The following UHRF2 variants were observed in gnomAD, a reference collection of about 807,000 sequenced individuals.
UHRF2 encodes ubiquitin like with PHD and ring finger domains 2.
Under a neutral mutation model 96.8 loss-of-function variants are expected in UHRF2, and 23 were observed. The observed-to-expected ratio is 0.24, with a 90% CI of 0.17 to 0.34. UHRF2 has a LOEUF of 0.34. Among genes scored for constraint, UHRF2 ranks in the 10% least tolerant of loss-of-function variants. UHRF2 has a pLI of 1.00. For synonymous variants in UHRF2, 385 were observed against 332.6 expected, an observed-to-expected ratio of 1.16 and a Z score of -1.72; for missense variants, 685 against 981.5, an observed-to-expected ratio of 0.70 and a Z score of 4.04.
At chr9:6,493,571 C>T (rs981932812) in intron 9 of UHRF2, among the ~76,000 whole-genome samples, 1 of 152,120 alleles carries the variant, frequency 6.6e-6, no homozygotes, top group African/African-American at 2.4e-5. Context: ...TATTTTACTA[C>T]ATATATAGCA....
At position 6,420,201 on chromosome 9, in the gene UHRF2, G is replaced by A. The variant is rs891983467; in HGVS notation, c.154-711G>A. ...CCTCCTGAGTAGTGGGATTACAGGTGCGTACCACCACGCCCAGCTAATACT... is the reference window on the plus strand; with the variant it reads ...CCTCCTGAGTAGTGGGATTACAGGTACGTACCACCACGCCCAGCTAATACT... On this transcript the variant is annotated intron_variant, in intron 1 of 15. Transcript: ENST00000276893. Among the ~76,000 whole-genome samples the A allele has an allele frequency of 2.6e-5, 4 of 151,882 alleles. No homozygotes were observed. In the East Asian group the frequency reaches 5.9e-4, roughly 22 times the overall value.
chr9:6,447,350 C>G (rs570048331), intron 3 of UHRF2, among the ~76,000 whole-genome samples: 60 of 152,272 alleles, frequency 3.9e-4, no homozygotes, highest in African/African-American at 1.4e-3. Flanking sequence ...TGGGCCTGGT[C>G]TCTCCCAAAC....
At chr9:6,441,982 T>G (rs1047438534) in intron 3 of UHRF2, among the ~76,000 whole-genome samples, 1 of 152,206 alleles carries the variant, frequency 6.6e-6, no homozygotes, top group Non-Finnish European at 1.5e-5. Flanking sequence ...TGTTCCGAGA[T>G]CTAAGGTTTT....
At chr9:6,466,750 A>G (rs1822884326) in intron 4 of UHRF2, among the ~76,000 whole-genome samples, 1 of 152,198 alleles carries the variant, frequency 6.6e-6, no homozygotes, top group Non-Finnish European at 1.5e-5. Flanking sequence ...TGCTTCGGCC[A>G]TGCTGGCCTC....
rs886952962 is a variant in UHRF2 at position 6,506,280 on chromosome 9, G to C, written c.*101G>C. On this transcript the variant is annotated 3_prime_UTR_variant, in exon 16 of 16. Transcript: ENST00000276893. ...AGAAATGGTGGACTGTATCTCTCACGTTCTGAAGCAGCTAATCCTCTTTCC... is the reference window on the plus strand; with the variant it reads ...AGAAATGGTGGACTGTATCTCTCACCTTCTGAAGCAGCTAATCCTCTTTCC... 1 of 1,461,646 alleles carries C rather than the reference G, an allele frequency of 6.8e-7. No homozygotes were observed. The highest frequency in any genetic ancestry group is 1.4e-5 in the African/African-American group (1 of 71,192). 90.5% of individuals were successfully genotyped at this position (1,461,646 alleles called of 1,614,324 possible).
rs781312268 is a variant in UHRF2, at chr9:6,482,133, G to C, written c.1392+34G>C. Reference sequence around the variant, plus strand: ...TAACTTGGGCTTAGTTGAAAGGGGAGAATTGGCTATCAGATTATAGCAATG... The same window carrying C: ...TAACTTGGGCTTAGTTGAAAGGGGACAATTGGCTATCAGATTATAGCAATG... On this transcript the variant is annotated intron_variant, in intron 8 of 15. Transcript: ENST00000276893. 3.2e-5 allele frequency: 49 copies of C among 1,535,396 alleles called. No individual in the cohort carries two copies. The South Asian group carries it at 5.3e-4, about 17-fold the overall frequency.
chr9:6,445,998 T>TTTTTTTTTTTTTTTTTTTTC (rs772184475), intron 3 of UHRF2, among the ~76,000 whole-genome samples: 1 of 129,870 alleles, frequency 7.7e-6, no homozygotes, highest in African/African-American at 2.9e-5. Flanking sequence ...TTTTTTTTTT[T>TTTTTTTTTTTTTTTTTTTTC]TTCCTGTTTT....
chr9:6,494,257 C>G, intron 10 of UHRF2: 1 of 227,376 alleles, frequency 4.4e-6, no homozygotes, highest in Non-Finnish European at 8.5e-6. Context: ...TTGGTCAAAG[C>G]TAAAAGTGAC....
chr9:6,421,148 T>G lies in UHRF2; in HGVS notation c.384+6T>G. ...CTGGCTTTGGAATATATAAGGTATGTTGTTTTCTTCAGACTTACTGTTGTG... is the reference window on the plus strand; with the variant it reads ...CTGGCTTTGGAATATATAAGGTATGGTGTTTTCTTCAGACTTACTGTTGTG... On this transcript the variant is annotated splice_donor_region_variant and intron_variant, in intron 2 of 15. Transcript: ENST00000276893. The G allele has an allele frequency of 9.4e-6, 15 of 1,595,240 alleles. No individual in the cohort carries two copies. Among genetic ancestry groups the G allele is most frequent in the Non-Finnish European group, 1.3e-5 (15 of 1,164,848 alleles).
chr9:6,458,585 A>G (rs2130840406), intron 3 of UHRF2, among the ~76,000 whole-genome samples: 1 of 151,846 alleles, frequency 6.6e-6, no homozygotes, highest in South Asian at 2.1e-4. Flanking sequence ...AATGGTGGAG[A>G]GGATGTGAAG....
At chr9:6,502,519 C>T (rs1032676928) in intron 14 of UHRF2, among the ~76,000 whole-genome samples, 4 of 152,198 alleles carry the variant, frequency 2.6e-5, no homozygotes, top group African/African-American at 9.6e-5. Context: ...AACACCTGGG[C>T]TCAGGCAATC....
At chr9:6,484,976 A>G (rs992656298) in intron 8 of UHRF2, among the ~76,000 whole-genome samples, 2 of 151,376 alleles carry the variant, frequency 1.3e-5, no homozygotes, top group African/African-American at 4.8e-5. Flanking sequence ...TATTTTTAGT[A>G]GAGATGGGGT....
intron 8 of UHRF2, chr9:6,484,533 G>C (rs1017906819): frequency 6.7e-6 from 1 of 148,972 alleles, no homozygotes; most frequent in Non-Finnish European, 1.5e-5. Flanking sequence ...CACCAGAGTA[G>C]CTGAAACTAC....
chr9:6,437,197 G>T (rs1450015059), intron 3 of UHRF2, among the ~76,000 whole-genome samples: 1 of 152,154 alleles, frequency 6.6e-6, no homozygotes, highest in Non-Finnish European at 1.5e-5. Flanking sequence ...AAGAAAGCTG[G>T]TATAGCCTAA....
chr9:6,442,472 GTTT>G (rs1292177019), intron 3 of UHRF2, among the ~76,000 whole-genome samples: 11 of 2,442 alleles, frequency 4.5e-3, no homozygotes, highest in Admixed American at 6.7e-3. Flanking sequence ...GTTTTGTTTT[GTTT>G]TGTTTGTTTT....
At chr9:6,426,460 A>G (rs754103557) in intron 2 of UHRF2, among the ~76,000 whole-genome samples, 1 of 152,232 alleles carries the variant, frequency 6.6e-6, no homozygotes, top group African/African-American at 2.4e-5. Context: ...TGTTCATACA[A>G]TAATAAATTT....
At chr9:6,427,920 C>G (rs1439454680) in intron 2 of UHRF2, among the ~76,000 whole-genome samples, 2 of 152,142 alleles carry the variant, frequency 1.3e-5, no homozygotes, top group African/African-American at 4.8e-5. Context: ...AGATTGGGAA[C>G]TAATTTTCTG....
chr9:6,484,938 TATAC>T (rs1824178246), intron 8 of UHRF2, among the ~76,000 whole-genome samples: 1 of 151,810 alleles, frequency 6.6e-6, no homozygotes, highest in Non-Finnish European at 1.5e-5. Context: ...GTATTACAGG[TATAC>T]GTCACCATGC....
intron 14 of UHRF2, among the ~76,000 whole-genome samples, chr9:6,504,015 CTT>C (rs35325264): frequency 2.3e-4 from 18 of 78,936 alleles, no homozygotes; most frequent in African/African-American, 9.5e-4. Context: ...AAATAGAAGA[CTT>C]TTTTTTTTTT....
Sources: allele counts gnomAD v4.1 joint callset (sites outside exome capture counted in the v4.1 genomes callset), GRCh38; gene constraint gnomAD v4.1.1; transcripts MANE v1.5; gene names NCBI Gene and HGNC (gene_info 2026-07-23, HGNC 2026-07-21).